DLC1: variants seen among roughly 807,000 people sequenced by gnomAD.
DLC1 encodes DLC1 Rho GTPase activating protein.
Under a neutral mutation model 140.3 loss-of-function variants are expected in DLC1, and 54 were observed. That is an observed-to-expected ratio of 0.38 (90% CI 0.31 to 0.48). The LOEUF (loss-of-function observed/expected upper bound fraction) is 0.48. Among genes scored for constraint, DLC1 ranks in the 20% least tolerant of loss-of-function variants. DLC1 has a pLI of 0.96. For synonymous variants in DLC1, 986 were observed against 728.1 expected, an observed-to-expected ratio of 1.35 and a Z score of -5.70; for missense variants, 2,536 against 1,907.0, an observed-to-expected ratio of 1.33 and a Z score of -6.14.
rs867634224 is a variant in DLC1 at position 13,084,534 on chromosome 8, T to C, written c.*1277A>G. The C allele has an allele frequency of 6.6e-6, 1 of 151,720 alleles. No homozygotes were observed. The highest frequency in any genetic ancestry group is 1.5e-5 in the Non-Finnish European group (1 of 67,894). 9.4% of individuals were successfully genotyped at this position (151,720 alleles called of 1,614,324 possible). On this transcript the variant is annotated 3_prime_UTR_variant, in exon 18 of 18. Transcript: ENST00000276297. ...AAAAAACTTCACTGGTTTGGGTTGG[T>C]TTTCTTCTTGTTGCGTTTTACTATG...
intron 3 of DLC1, among the ~76,000 whole-genome samples, chr8:13,396,659 C>T (rs1837057203): frequency 6.6e-6 from 1 of 152,102 alleles, no homozygotes; most frequent in South Asian, 2.1e-4. Flanking sequence ...TGTCTGACCC[C>T]AGAATCCAAC....
At chr8:13,460,246 C>T (rs1799597191) in intron 2 of DLC1, among the ~76,000 whole-genome samples, 1 of 152,172 alleles carries the variant, frequency 6.6e-6, no homozygotes. Context: ...TCTCTGATTG[C>T]CTCACAGCAT....
intron 2 of DLC1, among the ~76,000 whole-genome samples, chr8:13,433,355 G>C (rs538576990): frequency 6.6e-6 from 1 of 152,232 alleles, no homozygotes; most frequent in Admixed American, 6.5e-5. Flanking sequence ...AATAGGGTTT[G>C]GGGACTGTCA....
intron 4 of DLC1, among the ~76,000 whole-genome samples, chr8:13,336,465 A>G (rs1833814345): frequency 6.6e-6 from 1 of 152,218 alleles, no homozygotes; most frequent in African/African-American, 2.4e-5. Context: ...TTCTCAAAGC[A>G]TGAGATTAGC....
chr8:13,561,632 G>T (rs1223273063), intron 1 of DLC1, among the ~76,000 whole-genome samples: 1 of 151,952 alleles, frequency 6.6e-6, no homozygotes, highest in Non-Finnish European at 1.5e-5. Context: ...TTCTTCATCT[G>T]TCTATTCATT....
chr8:13,534,951 C>G (rs1040134680), intron 1 of DLC1, among the ~76,000 whole-genome samples: 3 of 142,792 alleles, frequency 2.1e-5, no homozygotes, highest in Non-Finnish European at 4.4e-5. Flanking sequence ...GTACAGCTGA[C>G]TCTCACTCAC....
intron 5 of DLC1, among the ~76,000 whole-genome samples, chr8:13,179,021 C>T (rs1317223760): frequency 6.6e-6 from 1 of 152,136 alleles, no homozygotes; most frequent in African/African-American, 2.4e-5. Context: ...GAAAATGATA[C>T]AAATGCCCAT....
chr8:13,164,325 T>G (rs2116890685), intron 5 of DLC1, among the ~76,000 whole-genome samples: 1 of 147,704 alleles, frequency 6.8e-6, no homozygotes, highest in East Asian at 2.0e-4. Flanking sequence ...TATCTATCTA[T>G]CTATCTGTCT....
intron 1 of DLC1, among the ~76,000 whole-genome samples, chr8:13,530,315 A>G (rs539118122): frequency 6.6e-6 from 1 of 152,186 alleles, no homozygotes; most frequent in African/African-American, 2.4e-5. Flanking sequence ...CTTAAGGTAA[A>G]TAGAATAATG....
chr8:13,575,905 A>G (rs998669325), intron 1 of DLC1, among the ~76,000 whole-genome samples: 42 of 152,190 alleles, frequency 2.8e-4, no homozygotes, highest in African/African-American at 9.6e-4. Flanking sequence ...TAACCTTAAC[A>G]TATTTTGAGT....
Position 13,110,827 on chromosome 8 carries a change from T to C in DLC1, c.1421-4A>G. 6.2e-7 allele frequency: 1 copy of C among 1,613,730 alleles called. No individual in the cohort carries two copies. Among genetic ancestry groups the C allele is most frequent in the Non-Finnish European group, 8.5e-7 (1 of 1,179,894 alleles). On this transcript the variant is annotated splice_region_variant and splice_polypyrimidine_tract_variant and intron_variant, in intron 6 of 17. Coordinates refer to ENST00000276297, the MANE Select transcript of DLC1 (RefSeq NM_182643.3). The stretch of plus-strand genomic sequence containing the variant: ...ATATCGATGGGGAACAGGAAATCTA[T>C]GAGAAAAATAAACAGATGTATTTGT...
chr8:13,245,946 C>G (rs529236654), intron 5 of DLC1, among the ~76,000 whole-genome samples: 2 of 152,132 alleles, frequency 1.3e-5, no homozygotes, highest in African/African-American at 4.8e-5. Context: ...AAGTGATTCA[C>G]CCGCCTCAAC....
intron 5 of DLC1, among the ~76,000 whole-genome samples, chr8:13,135,204 C>CTTTTT (rs548207973): frequency 7.6e-6 from 1 of 131,218 alleles, no homozygotes; most frequent in Admixed American, 7.7e-5. Flanking sequence ...AGTGAGAAGC[C>CTTTTT]TTTTTTTTTT....
chr8:13,481,144 G>T (rs189176957), intron 2 of DLC1, among the ~76,000 whole-genome samples: 218 of 152,222 alleles, frequency 1.4e-3, no homozygotes, highest in Non-Finnish European at 2.8e-3. Flanking sequence ...CAACAAATAG[G>T]CTGGGTGCAG....
chr8:13,412,223 A>T (rs1837811375), intron 2 of DLC1, among the ~76,000 whole-genome samples: 1 of 152,242 alleles, frequency 6.6e-6, no homozygotes, highest in Non-Finnish European at 1.5e-5. Flanking sequence ...TTAAAACAAT[A>T]CTAATTAATT....
At chr8:13,257,370 A>C (rs1830277854) in intron 5 of DLC1, among the ~76,000 whole-genome samples, 1 of 151,322 alleles carries the variant, frequency 6.6e-6, no homozygotes, top group Non-Finnish European at 1.5e-5. Context: ...CCCAGGGTTC[A>C]AGACTACAGT....
intron 1 of DLC1, among the ~76,000 whole-genome samples, chr8:13,590,812 GT>G (rs1244708375): frequency 6.6e-6 from 1 of 152,018 alleles, no homozygotes; most frequent in Non-Finnish European, 1.5e-5. Flanking sequence ...AGAATATTTA[GT>G]TTGTTTTCTA....
At chr8:13,510,168 ATTC>A (rs1802290827) in intron 1 of DLC1, among the ~76,000 whole-genome samples, 1 of 99,320 alleles carries the variant, frequency 1.0e-5, no homozygotes, top group African/African-American at 3.7e-5. Flanking sequence ...ATTATTCTTT[ATTC>A]TTTTTTTTTT....
At chr8:13,424,763 C>G (rs538235139) in intron 2 of DLC1, among the ~76,000 whole-genome samples, 1 of 151,898 alleles carries the variant, frequency 6.6e-6, no homozygotes, top group African/African-American at 2.4e-5. Context: ...TTAGTAGAGA[C>G]GGGGTTTCAC....
Sources: gnomAD v4.1 joint callset for allele counts (sites outside exome capture counted in the v4.1 genomes callset) on GRCh38, gnomAD v4.1.1 for gene constraint, MANE v1.5 for transcripts, NCBI Gene and HGNC (gene_info 2026-07-23, HGNC 2026-07-21) for gene names.